ZCCHC14: variants seen among roughly 807,000 people sequenced by gnomAD.
ZCCHC14 encodes zinc finger CCHC domain-containing protein 14.
ZCCHC14 carries 16 observed loss-of-function variants against 85.0 expected under a neutral mutation model. The observed-to-expected ratio is 0.19, with a 90% CI of 0.13 to 0.29. ZCCHC14 has a LOEUF of 0.29. Ranked by LOEUF, ZCCHC14 falls within the 10% of genes least tolerant of loss-of-function variation. The pLI, the probability that ZCCHC14 is intolerant of heterozygous loss-of-function variation, is 1.00. For synonymous variants in ZCCHC14, 775 were observed against 630.7 expected, an observed-to-expected ratio of 1.23 and a Z score of -3.43; for missense variants, 1,303 against 1,443.5, an observed-to-expected ratio of 0.90 and a Z score of 1.58.
Position 87,413,103 on chromosome 16 carries a change from C to A in ZCCHC14, c.1696G>T (p.Val566Leu), listed in dbSNP as rs1400179995. Residue 566 changes from valine to leucine, a missense_variant, in exon 11 of 13, where the codon GTA becomes TTA. Coordinates refer to ENST00000671377, the MANE Select transcript of ZCCHC14 (RefSeq NM_015144.3). ...YSSSSSSPMGVQAREESSDSA... is the reference protein window; with the variant it reads ...YSSSSSSPMGLQAREESSDSA... ...TCGGAGCTCTCTTCCCGGGCCTGTA[C>A]CCCCATGGGGCTGGAGGAGGAGCTG... is the stretch of plus-strand genomic sequence containing the variant. 1 of 1,614,022 alleles carries A rather than the reference C, an allele frequency of 6.2e-7. No homozygotes were observed. The highest frequency in any genetic ancestry group is 1.1e-5 in the South Asian group (1 of 91,072).
intron 2 of ZCCHC14, among the ~76,000 whole-genome samples, chr16:87,459,008 C>A (rs1252552915): frequency 5.3e-5 from 8 of 152,152 alleles, no homozygotes. Flanking sequence ...CTTACTCTCC[C>A]CTCCCCAAAG....
chr16:87,490,972 G>A (rs1244322545), intron 1 of ZCCHC14, among the ~76,000 whole-genome samples: 1 of 152,242 alleles, frequency 6.6e-6, no homozygotes, highest in African/African-American at 2.4e-5. Context: ...GGCTCAGACG[G>A]GGAAGCCCCA....
chr16:87,467,200 C>T, intron 1 of ZCCHC14: 1 of 1,483,150 alleles, frequency 6.7e-7, no homozygotes. Context: ...GACTATTCTT[C>T]CTTTTAAAAG....
intron 1 of ZCCHC14, among the ~76,000 whole-genome samples, chr16:87,483,789 C>T (rs1394457608): frequency 6.6e-6 from 1 of 152,162 alleles, no homozygotes; most frequent in Non-Finnish European, 1.5e-5. Flanking sequence ...AAAGCACAGA[C>T]CATTTGACCC....
At chr16:87,435,021 T>A (rs1337138027) in intron 2 of ZCCHC14, among the ~76,000 whole-genome samples, 4 of 151,270 alleles carry the variant, frequency 2.6e-5, no homozygotes, top group East Asian at 3.9e-4. Context: ...AAAAAGACGT[T>A]TTTTGGGAAA....
Position 87,420,462 on chromosome 16 carries a change from T to C in ZCCHC14, c.950+145A>G. 1.7e-6 allele frequency: 1 copy of C among 599,848 alleles called. No homozygotes were observed. Among genetic ancestry groups the C allele is most frequent in the Non-Finnish European group, 2.9e-6 (1 of 347,724 alleles). 37.2% of individuals were successfully genotyped at this position (599,848 alleles called of 1,614,324 possible). A position where few individuals can be genotyped will look rare whatever the true frequency, so the allele number is the denominator to read the frequency against. On this transcript the variant is annotated intron_variant, in intron 5 of 12. Transcript: ENST00000671377. The surrounding 1 kb of genome is among the most constrained non-coding windows in gnomAD (Gnocchi z 5.0). ...GGGCTCCCGAATCCTCCAGAACTAA[T>C]GGAAATCCCTAGAGGCCAAGTAGAG...
At chr16:87,436,281 G>A (rs1298638900) in intron 2 of ZCCHC14, among the ~76,000 whole-genome samples, 2 of 152,254 alleles carry the variant, frequency 1.3e-5, no homozygotes, top group Non-Finnish European at 2.9e-5. Flanking sequence ...CCAAATGTTG[G>A]CGCATCCCTC....
intron 2 of ZCCHC14, among the ~76,000 whole-genome samples, chr16:87,453,514 G>A (rs756140757): frequency 2.0e-5 from 3 of 152,202 alleles, no homozygotes; most frequent in Admixed American, 1.3e-4. Flanking sequence ...TCACCAAGGA[G>A]AGCGTCCCAG....
intron 2 of ZCCHC14, among the ~76,000 whole-genome samples, chr16:87,454,894 G>T (rs776532031): frequency 2.0e-5 from 3 of 152,328 alleles, no homozygotes; most frequent in Non-Finnish European, 2.9e-5. Context: ...GGACGGGGCG[G>T]CCCCTGATCT....
chr16:87,450,327 G>T (rs936847043), intron 2 of ZCCHC14, among the ~76,000 whole-genome samples: 1 of 152,140 alleles, frequency 6.6e-6, no homozygotes, highest in African/African-American at 2.4e-5. Flanking sequence ...ATAATTTCTA[G>T]AAGCATTACC....
In ZCCHC14 at chr16:87,412,109, G is replaced by A. The variant is rs1181129222; in HGVS notation, c.2612C>T (p.Ala871Val). The A allele has an allele frequency of 1.4e-5, 23 of 1,613,492 alleles. No individual in the cohort carries two copies. Among genetic ancestry groups the A allele is most frequent in the Admixed American group, 6.7e-5 (4 of 60,030 alleles). ...ACTGCTTTCAGGGACGGAGGACAGCGCCGGGCTGGAGCTGGGGGCTGGGCA... is the reference window on the plus strand; with the variant it reads ...ACTGCTTTCAGGGACGGAGGACAGCACCGGGCTGGAGCTGGGGGCTGGGCA... ...PSCPAPSSSP[A>V]LSSVPESSFY... is the part of the protein sequence containing the mutation. Residue 871 changes from alanine (A) to valine (V), a missense_variant, in exon 12 of 13, where the codon GCG (alanine) becomes GTG (valine). Transcript: ENST00000671377.
At chr16:87,453,180 G>T (rs1023092398) in intron 2 of ZCCHC14, among the ~76,000 whole-genome samples, 7 of 152,228 alleles carry the variant, frequency 4.6e-5, no homozygotes, top group African/African-American at 1.7e-4. Context: ...CCATGCTTGG[G>T]AGCGAGCAGC....
intron 1 of ZCCHC14, chr16:87,472,490 C>G (rs1008186709): frequency 6.6e-6 from 1 of 152,414 alleles, no homozygotes; most frequent in Non-Finnish European, 1.5e-5. Flanking sequence ...CAGAGCAGAC[C>G]ACCAGCAGCA....
chr16:87,419,115 C>T (rs1003760842), intron 6 of ZCCHC14, among the ~76,000 whole-genome samples: 5 of 151,236 alleles, frequency 3.3e-5, no homozygotes, highest in Admixed American at 3.3e-4. Flanking sequence ...TGCCACCACG[C>T]CCGGCTAATT....
chr16:87,435,389 C>G (rs1019647837), intron 2 of ZCCHC14, among the ~76,000 whole-genome samples: 1 of 152,250 alleles, frequency 6.6e-6, no homozygotes, highest in African/African-American at 2.4e-5. Context: ...CTGTCTAAAC[C>G]AACACCCGCC....
rs374428963 is a variant in ZCCHC14, at chr16:87,423,841, G to T, written c.809C>A (p.Ser270Tyr). The T allele has an allele frequency of 3.1e-6, 5 of 1,614,170 alleles. No individual in the cohort carries two copies. Among genetic ancestry groups the T allele is most frequent in the Non-Finnish European group, 4.2e-6 (5 of 1,180,008 alleles). ...AATAAATTCCGTCACTTCAGAGGAA[G>T]ATTTGGTTACTGATGTTATTGAAGA... ...SDSSITSVTK[S>Y]SSEVTEFISK... is the part of the protein sequence containing the mutation. The change falls in exon 4 of 13, where the codon TCT (serine) becomes TAT (tyrosine). Residue 270 changes from serine to tyrosine, a missense_variant. Around this residue, in one of 7 missense-constraint regions of ZCCHC14, gnomAD observed 389 missense variants for 397.8 expected, o/e 0.98. Coordinates refer to ENST00000671377, the MANE Select transcript of ZCCHC14 (RefSeq NM_015144.3).
chr16:87,474,288 C>CA (rs1313234921), intron 1 of ZCCHC14: 2 of 152,368 alleles, frequency 1.3e-5, no homozygotes, highest in Non-Finnish European at 2.9e-5. Context: ...CAAATGGACC[C>CA]ATGAACTTCA....
chr16:87,436,998 C>T (rs1909956513), intron 2 of ZCCHC14, among the ~76,000 whole-genome samples: 1 of 152,134 alleles, frequency 6.6e-6, no homozygotes, highest in South Asian at 2.1e-4. Flanking sequence ...CTTCCCCTCC[C>T]TCCCTGGTCA....
At chr16:87,439,104 A>G (rs866442696) in intron 2 of ZCCHC14, among the ~76,000 whole-genome samples, 5 of 152,008 alleles carry the variant, frequency 3.3e-5, no homozygotes, top group Admixed American at 3.3e-4. Flanking sequence ...ATAGGATTCC[A>G]AAAGGCCTGG....
Sources: gnomAD v4.1 joint callset for allele counts (sites outside exome capture counted in the v4.1 genomes callset) on GRCh38, gnomAD v4.1.1 for gene constraint, gnomAD v4.1.1 regional missense constraint, Gnocchi (gnomAD v3.1) non-coding constraint, MANE v1.5 for transcripts, NCBI Gene and HGNC (gene_info 2026-07-23, HGNC 2026-07-21) for gene names.